CADM1: variants seen among roughly 807,000 people sequenced by gnomAD.
The protein encoded by CADM1 is cell adhesion molecule 1.
A neutral mutation model predicts 53.1 loss-of-function variants in CADM1; 15 were observed. That is an observed-to-expected ratio of 0.28 (90% CI 0.19 to 0.44). CADM1 has a LOEUF of 0.44. Among genes scored for constraint, CADM1 ranks in the 20% least tolerant of loss-of-function variants. The pLI is 1.00. For missense variants in CADM1, 434 were observed against 611.3 expected (o/e 0.71, Z 3.06); for synonymous variants, 281 against 243.0 (o/e 1.16, Z -1.45).
At chr11:115,238,472 CCG>C (rs1942089479) in intron 3 of CADM1, 26 bp downstream of exon 3, 1 of 1,612,774 alleles carries the variant, frequency 6.2e-7, no homozygotes. Flanking sequence ...TTCCATTTCC[CCG>C]GGTAAGCCCC....
intron 1 of CADM1, among the ~76,000 whole-genome samples, chr11:115,503,092 C>A (rs1039100362): frequency 2.0e-5 from 3 of 152,118 alleles, no homozygotes; most frequent in Non-Finnish European, 4.4e-5. Flanking sequence ...CCGCCTGGAG[C>A]CTGCAGCAGG....
At chr11:115,205,907 T>A (rs1266305782) in intron 8 of CADM1, among the ~76,000 whole-genome samples, 1 of 152,162 alleles carries the variant, frequency 6.6e-6, no homozygotes, top group Non-Finnish European at 1.5e-5. Context: ...CAAGTTGACA[T>A]CAAATACAGA....
At position 115,208,539 on chromosome 11, in the gene CADM1, T is replaced by C. The variant is rs1260930433; in HGVS notation, c.1078+1035A>G. 2.0e-5 allele frequency among the ~76,000 whole-genome samples: 3 copies of C among 152,092 alleles called. No homozygotes were observed. The South Asian group carries it at 6.2e-4, about 31-fold the overall frequency. ...CAAATACTCAGTGTTCATAAAGAAGTCCAGAGACAGGGGTGGGTACCAGGG... is the reference window on the plus strand; with the variant it reads ...CAAATACTCAGTGTTCATAAAGAAGCCCAGAGACAGGGGTGGGTACCAGGG... On this transcript the variant is annotated intron_variant, in intron 8 of 11. Coordinates refer to ENST00000331581, the MANE Select transcript of CADM1 (RefSeq NM_001301043.2).
chr11:115,297,166 A>T (rs959467449), intron 1 of CADM1, among the ~76,000 whole-genome samples: 1 of 152,204 alleles, frequency 6.6e-6, no homozygotes, highest in African/African-American at 2.4e-5. Context: ...CTTCTCATAA[A>T]ATGGTTCAGT....
At chr11:115,276,372 T>C (rs1943444520) in intron 1 of CADM1, among the ~76,000 whole-genome samples, 1 of 152,164 alleles carries the variant, frequency 6.6e-6, no homozygotes, top group Non-Finnish European at 1.5e-5. Flanking sequence ...TGTGGGCATT[T>C]GTTAAAGAGA....
At chr11:115,499,298 C>T (rs1265925309) in intron 1 of CADM1, among the ~76,000 whole-genome samples, 2 of 152,192 alleles carry the variant, frequency 1.3e-5, no homozygotes, top group African/African-American at 2.4e-5. Context: ...TCTGAGCCTT[C>T]AGAAGCCTGG....
At chr11:115,408,489 C>T (rs145023812) in intron 1 of CADM1, among the ~76,000 whole-genome samples, 35 of 152,306 alleles carry the variant, frequency 2.3e-4, no homozygotes, top group African/African-American at 6.0e-4. Flanking sequence ...AGATGTGGAG[C>T]GGCCAAAAGC....
At chr11:115,341,940 A>G (rs1945459453) in intron 1 of CADM1, among the ~76,000 whole-genome samples, 1 of 152,192 alleles carries the variant, frequency 6.6e-6, no homozygotes, top group Non-Finnish European at 1.5e-5. Context: ...ACATTATTAT[A>G]CAAACTGGAT....
At position 115,176,023 on chromosome 11, in the gene CADM1, G is replaced by C. The variant is rs1304412781; in HGVS notation, c.*451C>G. The C allele has an allele frequency of 8.6e-6, 9 of 1,049,022 alleles. 1 individual carries two copies. The South Asian group carries it at 3.0e-4, about 35-fold the overall frequency. 65.0% of individuals were successfully genotyped at this position (1,049,022 alleles called of 1,614,324 possible). On this transcript the variant is annotated 3_prime_UTR_variant, in exon 12 of 12. Transcript: ENST00000331581. ...AAAAATAAACAAAAGTAAAAAACTAGAACAGAAAAGGGAAGGAAAAGAGTC... is the reference window on the plus strand; with the variant it reads ...AAAAATAAACAAAAGTAAAAAACTACAACAGAAAAGGGAAGGAAAAGAGTC...
intron 1 of CADM1, among the ~76,000 whole-genome samples, chr11:115,254,549 A>ACACACAC (rs1942713472): frequency 7.4e-6 from 1 of 134,896 alleles, no homozygotes. Flanking sequence ...AAGGGAGACA[A>ACACACAC]ACACACACAC....
At position 115,427,962 on chromosome 11, in the gene CADM1, T is replaced by C. The variant is rs376022306; in HGVS notation, c.124+76309A>G. ...CGGAGCTTGCAGTGAATCAAGATCA[T>C]GCCACTGCACTCCAGCCTGGGCGAC... On this transcript the variant is annotated intron_variant, in intron 1 of 11. Transcript: ENST00000331581. Among the ~76,000 whole-genome samples, 13 of 132,528 alleles carry C rather than the reference T, an allele frequency of 9.8e-5. No homozygotes were observed. In the East Asian group the frequency reaches 1.8e-3, roughly 18 times the overall value. 86.9% of individuals were successfully genotyped at this position (132,528 alleles called of 152,430 possible).
chr11:115,176,133 C>T lies in CADM1; in HGVS notation c.*341G>A. The T allele has an allele frequency of 8.7e-7, 1 of 1,149,030 alleles. No individual in the cohort carries two copies. Among genetic ancestry groups the T allele is most frequent in the African/African-American group, 1.6e-5 (1 of 61,880 alleles). 71.2% of individuals were successfully genotyped at this position (1,149,030 alleles called of 1,614,324 possible). A position where few individuals can be genotyped will look rare whatever the true frequency, so the allele number is the denominator to read the frequency against. On this transcript the variant is annotated 3_prime_UTR_variant, in exon 12 of 12. Coordinates refer to ENST00000331581, the MANE Select transcript of CADM1 (RefSeq NM_001301043.2). ...GGTAGAGGGAGGAAATAAATGTGCA[C>T]AAAGGGGGAAAAGAAAGGAACGCAA...
intron 1 of CADM1, among the ~76,000 whole-genome samples, chr11:115,393,243 G>C (rs1413742513): frequency 1.3e-5 from 2 of 151,670 alleles, no homozygotes. Context: ...TCTGAACTAG[G>C]CATGGTAATA....
intron 3 of CADM1, among the ~76,000 whole-genome samples, chr11:115,232,821 A>G (rs1434085633): frequency 6.6e-6 from 1 of 152,246 alleles, no homozygotes; most frequent in Non-Finnish European, 1.5e-5. Flanking sequence ...CCTGACCACC[A>G]TGAATAAGCA....
At chr11:115,291,828 CAGTG>C (rs1223204628) in intron 1 of CADM1, among the ~76,000 whole-genome samples, 3 of 152,174 alleles carry the variant, frequency 2.0e-5, no homozygotes, top group East Asian at 1.9e-4. Flanking sequence ...TGACCTGCAG[CAGTG>C]AGTGACAAAA....
Position 115,174,486 on chromosome 11 carries a change from G to C in CADM1, c.*1988C>G, listed in dbSNP as rs1399853884. 2 of 985,620 alleles carry C rather than the reference G, an allele frequency of 2.0e-6. No homozygotes were observed. The highest frequency in any genetic ancestry group is 4.7e-5 in the South Asian group (1 of 21,276). The allele number at this position is 985,620 out of a possible 1,614,324, so 61.1% of individuals were successfully genotyped here. A position where few individuals can be genotyped will look rare whatever the true frequency, so the allele number is the denominator to read the frequency against. ...TGTCTTGGTTAAGTGCCTAGGGATA[G>C]GGGAGGGGTAAATAAAATGCTGCTC... On this transcript the variant is annotated 3_prime_UTR_variant, in exon 12 of 12. Transcript: ENST00000331581.
At chr11:115,308,141 CTGTGTGTGTGTGTGTG>C (rs199736406) in intron 1 of CADM1, among the ~76,000 whole-genome samples, 20 of 133,484 alleles carry the variant, frequency 1.5e-4, no homozygotes, top group African/African-American at 5.2e-4. Flanking sequence ...AACTCTCTCT[CTGTGTGTGTGTGTGTG>C]TGTGTGTGTG....
intron 8 of CADM1, among the ~76,000 whole-genome samples, chr11:115,206,466 G>A (rs1940684741): frequency 6.6e-6 from 1 of 152,082 alleles, no homozygotes; most frequent in Non-Finnish European, 1.5e-5. Flanking sequence ...CTCTCTGAAG[G>A]GTCTCCACGA....
At chr11:115,264,784 A>C (rs1307025520) in intron 1 of CADM1, among the ~76,000 whole-genome samples, 1 of 152,242 alleles carries the variant, frequency 6.6e-6, no homozygotes, top group African/African-American at 2.4e-5. Flanking sequence ...GCTGTTTGAC[A>C]TTATAAGGAT....
Sources: allele counts gnomAD v4.1 joint callset (sites outside exome capture counted in the v4.1 genomes callset), GRCh38; gene constraint gnomAD v4.1.1; transcripts MANE v1.5; gene names NCBI Gene and HGNC (gene_info 2026-07-23, HGNC 2026-07-21).